ANKRD26: variants seen among roughly 807,000 people sequenced by gnomAD.
ANKRD26 encodes ankyrin repeat domain 26.
A neutral mutation model predicts 208.7 loss-of-function variants in ANKRD26; 141 were observed. The ratio of observed to expected loss-of-function variants is 0.68; its 90% confidence interval spans 0.59 to 0.78. The LOEUF (loss-of-function observed/expected upper bound fraction) is 0.78, where lower values mean the gene tolerates loss of function less well. Ranked by LOEUF, ANKRD26 falls within the 30% of genes least tolerant of loss-of-function variation. The pLI is 0.00. For synonymous variants in ANKRD26, 636 were observed against 660.4 expected (o/e 0.96, Z 0.57); for missense variants, 1,889 against 1,938.7 (o/e 0.97, Z 0.48).
intron 25 of ANKRD26, chr10:27,030,703 T>C (rs925419301): frequency 2.2e-5 from 11 of 504,284 alleles, no homozygotes; most frequent in Middle Eastern, 9.7e-4. Flanking sequence ...TTTCTACTTA[T>C]ATTTAATTAC....
At chr10:26,976,217 T>C (rs1001553414) in intron 5 of ANKRD26, among the ~76,000 whole-genome samples, 1 of 36,626 alleles carries the variant, frequency 2.7e-5, no homozygotes. Context: ...TCTTGTAATT[T>C]TTTTCTTTTT....
At chr10:27,041,774 G>A (rs2054248240) in intron 20 of ANKRD26, among the ~76,000 whole-genome samples, 1 of 151,744 alleles carries the variant, frequency 6.6e-6, no homozygotes, top group South Asian at 2.1e-4. Context: ...CCCCAAAGAG[G>A]AAGGAAGAGA....
At chr10:26,981,639 A>G (rs1004243462) in intron 4 of ANKRD26, among the ~76,000 whole-genome samples, 1 of 152,250 alleles carries the variant, frequency 6.6e-6, no homozygotes, top group African/African-American at 2.4e-5. Flanking sequence ...TACCATAAGT[A>G]TTTTGCATAT....
intron 15 of ANKRD26, among the ~76,000 whole-genome samples, chr10:27,055,740 A>AG (rs2054817274): frequency 6.6e-6 from 1 of 152,220 alleles, no homozygotes; most frequent in South Asian, 2.1e-4. Flanking sequence ...GATACACTAT[A>AG]GAGCAAATTC....
intron 6 of ANKRD26, chr10:27,079,990 T>C: frequency 3.3e-6 from 1 of 302,520 alleles, no homozygotes; most frequent in Non-Finnish European, 6.7e-6. Flanking sequence ...ACTCTGTCTC[T>C]ACTAAAAATA....
intron 6 of ANKRD26, chr10:27,080,714 A>T: frequency 4.1e-6 from 4 of 985,466 alleles, no homozygotes; most frequent in Non-Finnish European, 4.8e-6. Flanking sequence ...TGAAGGCACA[A>T]ATTCCTGAAA....
downstream of ANKRD26, among the ~76,000 whole-genome samples, chr10:26,972,540 A>ACAACTATAAC (rs2052164838): frequency 6.6e-6 from 1 of 151,922 alleles, no homozygotes. Flanking sequence ...ACTTAGTAAA[A>ACAACTATAAC]CAACTATAAC....
rs191345507 is a variant in ANKRD26, at chr10:27,083,970, T to G, written c.710-1137A>C. On this transcript the variant is annotated intron_variant, in intron 5 of 33. Coordinates refer to ENST00000376087, the MANE Select transcript of ANKRD26 (RefSeq NM_014915.3). ...TGGCCCATGCCTGTTATCCCAGCAC[T>G]TTGGGAGGCTGAGGCGGGCAGAACA... Among the ~76,000 whole-genome samples, 230 of 152,240 alleles carry G rather than the reference T, an allele frequency of 1.5e-3. 1 individual carries two copies. Among genetic ancestry groups the G allele is most frequent in the African/African-American group, 5.2e-3 (218 of 41,580 alleles).
At chr10:27,097,660 G>GT (rs1320893837) in intron 1 of ANKRD26, among the ~76,000 whole-genome samples, 2 of 142,422 alleles carry the variant, frequency 1.4e-5, no homozygotes, top group African/African-American at 5.3e-5. Context: ...GTTTTGTTTT[G>GT]TTTTTTTGAG....
rs1461112436 is a variant in ANKRD26 at position 27,024,474 on chromosome 10, T to C, written c.4058A>G (p.Asn1353Ser). Residue 1353 changes from asparagine to serine, a missense_variant, in exon 28 of 34, where the codon AAT becomes AGT. By Grantham distance (46) the Asn-to-Ser change is conservative. This residue lies in a region of ANKRD26 where 613 missense variants were observed against 648.2 expected (regional missense o/e 0.95). Transcript: ENST00000376087. ...AGTTATCTCTCTTTCTAATTCAACA[T>C]TTTTCTTCATTTCTTGATCCAAATT... Reference protein sequence around the residue: ...ECNLDQEMKKNVELEREITGF... With the variant: ...ECNLDQEMKKSVELEREITGF... 6.4e-7 allele frequency: 1 copy of C among 1,553,024 alleles called. No homozygotes were observed. The highest frequency in any genetic ancestry group is 1.1e-5 in the South Asian group (1 of 87,126).
chr10:26,997,912 T>C (rs574861525), intron 4 of ANKRD26, among the ~76,000 whole-genome samples: 100 of 152,326 alleles, frequency 6.6e-4, no homozygotes, highest in African/African-American at 2.1e-3. Context: ...GCATCCATAC[T>C]AGCGTCGGCC....
chr10:27,100,047 T>A, intron 1 of ANKRD26, 38 bp downstream of exon 1: 1 of 1,612,382 alleles, frequency 6.2e-7, no homozygotes, highest in Non-Finnish European at 8.5e-7. Context: ...GCCCGCCTAC[T>A]CCAGTGGCAC....
chr10:27,013,550 C>T (rs1193977491), intron 31 of ANKRD26, among the ~76,000 whole-genome samples: 1 of 152,132 alleles, frequency 6.6e-6, no homozygotes, highest in Non-Finnish European at 1.5e-5. Context: ...ATATCAAAAA[C>T]ATCATGTTTT....
chr10:27,092,778 C>T (rs2056342043), intron 3 of ANKRD26, among the ~76,000 whole-genome samples: 1 of 152,066 alleles, frequency 6.6e-6, no homozygotes, highest in South Asian at 2.1e-4. Flanking sequence ...TGTATTGTTT[C>T]CCATCAAAAC....
rs1326244739 is a variant in ANKRD26 at position 27,033,470 on chromosome 10, T to C, written c.3655-93A>G. On this transcript the variant is annotated intron_variant, in intron 24 of 33. Transcript: ENST00000376087. The stretch of plus-strand genomic sequence containing the variant: ...ATGTTAATAATATTTAACTATGACA[T>C]ATACAACTTAAAAAATATTACCACA... 4.7e-6 allele frequency: 6 copies of C among 1,275,246 alleles called. No homozygotes were observed. The African/African-American group carries it at 7.5e-5, about 16-fold the overall frequency. The allele number at this position is 1,275,246 out of a possible 1,614,324, so 79.0% of individuals were successfully genotyped here.
At chr10:27,069,920 C>A (rs527723038) in intron 9 of ANKRD26, among the ~76,000 whole-genome samples, 1 of 152,004 alleles carries the variant, frequency 6.6e-6, no homozygotes, top group South Asian at 2.1e-4. Context: ...TGGTTCAAAA[C>A]CAGCCTGGAT....
chr10:26,967,692 T>C, the ANKRD26 span, among the ~76,000 whole-genome samples: 4 of 152,172 alleles, frequency 2.6e-5, no homozygotes, highest in African/African-American at 9.7e-5. Flanking sequence ...AGAATTCAAC[T>C]TCTTTCCACT....
chr10:27,092,500 G>T lies in ANKRD26; in HGVS notation c.544C>A (p.Pro182Thr). 6.2e-7 allele frequency: 1 copy of T among 1,613,158 alleles called. No individual in the cohort carries two copies. The highest frequency in any genetic ancestry group is 8.5e-7 in the Non-Finnish European group (1 of 1,179,652). ...IEAKNKDDLTPLLLAVSGKKQ... is the reference protein window; with the variant it reads ...IEAKNKDDLTTLLLAVSGKKQ... ...TTTCCACTTACTGCAAGTAAAAGTG[G>T]TGTGAGGTCATCCTGTAAGACAGCA... Residue 182 changes from proline (P) to threonine (T), a missense_variant, in exon 4 of 34, where the codon CCA becomes ACA. By Grantham distance (38) the Pro-to-Thr change is conservative. This residue lies in a region of ANKRD26 where 1,272 missense variants were observed against 1,273.8 expected (regional missense o/e 1.00). Coordinates refer to ENST00000376087, the MANE Select transcript of ANKRD26 (RefSeq NM_014915.3).
At chr10:27,025,793 C>G (rs1162392453) in intron 27 of ANKRD26, among the ~76,000 whole-genome samples, 1 of 152,156 alleles carries the variant, frequency 6.6e-6, no homozygotes, top group East Asian at 1.9e-4. Context: ...CCCAGATTCC[C>G]TAATCTAGAT....
Sources: allele counts gnomAD v4.1 joint callset (sites outside exome capture counted in the v4.1 genomes callset), GRCh38; gene constraint gnomAD v4.1.1; regional missense constraint gnomAD v4.1.1; transcripts MANE v1.5; gene names NCBI Gene and HGNC (gene_info 2026-07-23, HGNC 2026-07-21).